Variants in TRAPPC9 observed in about 807,000 individuals in gnomAD.
TRAPPC9 encodes the protein IKK2 binding protein.
A neutral mutation model predicts 124.0 loss-of-function variants in TRAPPC9; 83 were observed. That is an observed-to-expected ratio of 0.67 (90% CI 0.56 to 0.80). The LOEUF (loss-of-function observed/expected upper bound fraction) is 0.80. TRAPPC9 is among the 30% of genes least tolerant of loss of function. TRAPPC9 has a pLI of 0.00. For synonymous variants in TRAPPC9, 638 were observed against 617.5 expected (o/e 1.03, Z -0.49); for missense variants, 1,302 against 1,508.3 (o/e 0.86, Z 2.27).
chr8:139,955,541 C>T (rs138339962), intron 19 of TRAPPC9, among the ~76,000 whole-genome samples: 1 of 152,274 alleles, frequency 6.6e-6, no homozygotes, highest in African/African-American at 2.4e-5. Flanking sequence ...GATGCAAATG[C>T]TCTAAGACAG....
chr8:140,017,461 G>A (rs1839543563), intron 18 of TRAPPC9, among the ~76,000 whole-genome samples: 1 of 152,174 alleles, frequency 6.6e-6, no homozygotes, highest in Admixed American at 6.5e-5. Context: ...AGTTGTTCCA[G>A]CATCTTTTAT....
At chr8:140,443,271 T>TA (rs1486808791) in intron 2 of TRAPPC9, among the ~76,000 whole-genome samples, 2 of 144,626 alleles carry the variant, frequency 1.4e-5, no homozygotes, top group African/African-American at 5.1e-5. Flanking sequence ...CCGTCTCTAC[T>TA]AAAAAATACA....
At chr8:139,972,985 C>T (rs1346254725) in intron 19 of TRAPPC9, among the ~76,000 whole-genome samples, 1 of 152,140 alleles carries the variant, frequency 6.6e-6, no homozygotes, top group Non-Finnish European at 1.5e-5. Context: ...GAAGGGACGA[C>T]CACGTTCTCA....
chr8:139,992,301 G>A (rs1211853328), intron 18 of TRAPPC9, among the ~76,000 whole-genome samples: 1 of 152,102 alleles, frequency 6.6e-6, no homozygotes, highest in African/African-American at 2.4e-5. Context: ...AGATGTACAG[G>A]TTGAGTATGC....
At chr8:140,341,744 G>T (rs1023287871) in intron 9 of TRAPPC9, among the ~76,000 whole-genome samples, 5 of 152,128 alleles carry the variant, frequency 3.3e-5, no homozygotes, top group Admixed American at 2.6e-4. Context: ...AAGGAAAGGG[G>T]CTGGAGGGAA....
intron 17 of TRAPPC9, among the ~76,000 whole-genome samples, chr8:140,112,902 G>A (rs980394900): frequency 1.4e-5 from 2 of 148,046 alleles, no homozygotes; most frequent in Non-Finnish European, 3.0e-5. Flanking sequence ...GTGCAGTGGC[G>A]CAAACTCAGG....
At chr8:140,456,663 C>A in intron 1 of TRAPPC9, 2 of 409,992 alleles carry the variant, frequency 4.9e-6, no homozygotes, top group Non-Finnish European at 6.6e-6. Context: ...GGGCCTCCAA[C>A]ATCATCCACC....
At chr8:140,280,414 TTTTTG>T (rs577369380) in intron 14 of TRAPPC9, among the ~76,000 whole-genome samples, 10 of 152,262 alleles carry the variant, frequency 6.6e-5, no homozygotes, top group East Asian at 1.9e-4. Context: ...ACCTATTGTT[TTTTTG>T]TTTTGTTTTG....
chr8:139,976,417 G>A (rs1209297954), intron 19 of TRAPPC9, among the ~76,000 whole-genome samples: 1 of 152,188 alleles, frequency 6.6e-6, no homozygotes, highest in Non-Finnish European at 1.5e-5. Context: ...TTTAAAAATT[G>A]ATAAACTGTA....
At chr8:140,071,882 C>T (rs1445436725) in intron 17 of TRAPPC9, among the ~76,000 whole-genome samples, 3 of 152,298 alleles carry the variant, frequency 2.0e-5, no homozygotes, top group South Asian at 2.1e-4. Flanking sequence ...CATAGCCCAG[C>T]GGGGTTGATC....
At chr8:140,043,231 G>C (rs1332258806) in intron 17 of TRAPPC9, among the ~76,000 whole-genome samples, 1 of 152,176 alleles carries the variant, frequency 6.6e-6, no homozygotes, top group East Asian at 1.9e-4. Context: ...ATAGTTTCCA[G>C]AATATCTTAC....
chr8:140,236,614 T>C (rs1309792868), intron 16 of TRAPPC9, among the ~76,000 whole-genome samples: 1 of 152,200 alleles, frequency 6.6e-6, no homozygotes, highest in Non-Finnish European at 1.5e-5. Context: ...GTATGTAAGT[T>C]ACACTTCCAT....
In TRAPPC9 at chr8:139,776,064, G is replaced by A. The variant is rs925560234; in HGVS notation, c.3056-43862C>T. On this transcript the variant is annotated intron_variant, in intron 21 of 22. Coordinates refer to ENST00000438773, the MANE Select transcript of TRAPPC9 (RefSeq NM_001160372.4). The surrounding 1 kb of genome is among the most constrained non-coding windows in gnomAD (Gnocchi z 4.1). The stretch of plus-strand genomic sequence containing the variant: ...CTCCTCTCACCAGGCACCTTCAGAG[G>A]TCTTGAGCAATAGCCACCAACCCTG... 1.3e-5 allele frequency among the ~76,000 whole-genome samples: 2 copies of A among 152,138 alleles called. No individual in the cohort carries two copies. The highest frequency in any genetic ancestry group is 4.8e-5 in the African/African-American group (2 of 41,424).
At chr8:140,360,909 T>G (rs1035026620) in intron 8 of TRAPPC9, among the ~76,000 whole-genome samples, 5 of 152,104 alleles carry the variant, frequency 3.3e-5, no homozygotes, top group African/African-American at 1.2e-4. Flanking sequence ...AACTACTTTT[T>G]TTTTTCCAGT....
At chr8:140,026,772 A>C (rs1459869871) in intron 17 of TRAPPC9, among the ~76,000 whole-genome samples, 1 of 152,212 alleles carries the variant, frequency 6.6e-6, no homozygotes, top group Admixed American at 6.5e-5. Context: ...TGCCAGAGAA[A>C]TACCTTCACT....
intron 22 of TRAPPC9, 49 bp downstream of exon 22, chr8:139,731,930 T>C (rs1280984507): frequency 1.3e-6 from 2 of 1,523,780 alleles, no homozygotes; most frequent in African/African-American, 2.8e-5. Context: ...GGGGGGATGA[T>C]GACCACATGG....
At chr8:140,395,197 C>A (rs1004347543) in intron 7 of TRAPPC9, among the ~76,000 whole-genome samples, 2 of 152,154 alleles carry the variant, frequency 1.3e-5, no homozygotes, top group East Asian at 1.9e-4. Context: ...TTCCCTCATA[C>A]TACGTGGCCT....
At chr8:139,810,524 C>G (rs185241298) in intron 21 of TRAPPC9, among the ~76,000 whole-genome samples, 2 of 152,170 alleles carry the variant, frequency 1.3e-5, no homozygotes, top group Admixed American at 1.3e-4. Context: ...AGGGCTCCCC[C>G]ATCCCCTGAG....
intron 6 of TRAPPC9, 110 bp downstream of exon 6, chr8:140,405,467 C>T (rs1416163986): frequency 2.6e-5 from 32 of 1,230,722 alleles, no homozygotes; most frequent in Non-Finnish European, 3.8e-5. Context: ...GACATGAATA[C>T]TTACAGAAAT....
Sources: gnomAD v4.1 joint callset for allele counts (sites outside exome capture counted in the v4.1 genomes callset) on GRCh38, gnomAD v4.1.1 for gene constraint, Gnocchi (gnomAD v3.1) non-coding constraint, MANE v1.5 for transcripts, NCBI Gene and HGNC (gene_info 2026-07-23, HGNC 2026-07-21) for gene names.